Variants in WDR76 observed in about 807,000 individuals in gnomAD.
WDR76 encodes WD repeat domain 76, also known as WD repeat-containing protein 76.
WDR76 carries 52 observed loss-of-function variants against 70.2 expected under a neutral mutation model. The observed-to-expected ratio is 0.74, with a 90% CI of 0.59 to 0.93. The LOEUF is 0.93. Ranked by LOEUF, WDR76 falls within the 40% of genes least tolerant of loss-of-function variation. The probability of loss-of-function intolerance (pLI) is 0.00; values close to 1 mark genes in which losing one functional copy is unlikely to be tolerated. For synonymous variants in WDR76, 292 were observed against 271.1 expected, an observed-to-expected ratio of 1.08 and a Z score of -0.76; for missense variants, 756 against 760.2, an observed-to-expected ratio of 0.99 and a Z score of 0.07.
chr15:43,858,480 A>C (rs1260431156), intron 10 of WDR76, 191 bp from the exon 11 acceptor site: 1 of 587,654 alleles, frequency 1.7e-6, no homozygotes, highest in Non-Finnish European at 2.8e-6. Flanking sequence ...TCCTGATCTC[A>C]GATGATCCAC....
intron 1 of WDR76, among the ~76,000 whole-genome samples, 154 bp from the exon 2 acceptor site, chr15:43,827,811 C>T (rs1024465310): frequency 3.9e-5 from 6 of 152,176 alleles, no homozygotes; most frequent in African/African-American, 1.4e-4. Context: ...TCCCAAAGTG[C>T]TGGGATTACA....
At chr15:43,850,666 C>G (rs966575403) in intron 8 of WDR76, among the ~76,000 whole-genome samples, 2 of 152,086 alleles carry the variant, frequency 1.3e-5, no homozygotes, top group African/African-American at 2.4e-5. Context: ...AAATACCTTA[C>G]GAAAATTACA....
In WDR76 at chr15:43,859,764, T is replaced by C. The variant is rs79803147; in HGVS notation, c.1562+941T>C. 6.8e-3 allele frequency among the ~76,000 whole-genome samples: 1,030 copies of C among 152,318 alleles called. 13 individuals are homozygous for C. Among genetic ancestry groups the C allele is most frequent in the African/African-American group, 0.024 (979 of 41,570 alleles). ...TGTTCCTGTTCGTTTACACTGCAGTTTACTCTTGTTACATTAACTATTAGT... is the reference window on the plus strand; with the variant it reads ...TGTTCCTGTTCGTTTACACTGCAGTCTACTCTTGTTACATTAACTATTAGT... On this transcript the variant is annotated intron_variant, in intron 11 of 12. Coordinates refer to ENST00000263795, the MANE Select transcript of WDR76 (RefSeq NM_024908.4).
In WDR76 at chr15:43,841,210, T is replaced by G. The variant is rs1041254249; in HGVS notation, c.733-1205T>G. On this transcript the variant is annotated intron_variant, in intron 5 of 12. Coordinates refer to ENST00000263795, the MANE Select transcript of WDR76 (RefSeq NM_024908.4). Reference sequence around the variant, plus strand: ...TAAGTTTTGTTTTTTTGTTTTTTTTTTTTTTTTTTTGAGACGGAGTCTCAA... The same window carrying G: ...TAAGTTTTGTTTTTTTGTTTTTTTTGTTTTTTTTTTGAGACGGAGTCTCAA... Among the ~76,000 whole-genome samples the G allele has an allele frequency of 4.5e-3, 668 of 147,838 alleles. 18 individuals carry two copies. In the East Asian group the frequency reaches 0.074, roughly 16 times the overall value.
Position 43,861,377 on chromosome 15 carries a change from C to G in WDR76, c.1607C>G (p.Thr536Ser). 6.2e-7 allele frequency: 1 copy of G among 1,613,844 alleles called. No homozygotes were observed. Residue 536 changes from threonine to serine, a missense_variant, in exon 12 of 13, where the codon ACC (threonine) becomes AGC (serine). By Grantham distance (58) the Thr-to-Ser change is moderately conservative. Transcript: ENST00000263795. The part of the protein sequence containing the change: ...SCISSKIPLL[T>S]TIRHNTFTGR... ...ATATCTTCTAAGATTCCGCTCCTCA[C>G]CACCATCAGGTAGGCTTCTATATGC...
chr15:43,836,897 C>A (rs1366323851), intron 4 of WDR76, among the ~76,000 whole-genome samples: 3 of 151,252 alleles, frequency 2.0e-5, no homozygotes. Flanking sequence ...AAAAATTAGC[C>A]GGGTGTGGTG....
At chr15:43,842,072 T>G (rs2087732059) in intron 5 of WDR76, among the ~76,000 whole-genome samples, 1 of 152,142 alleles carries the variant, frequency 6.6e-6, no homozygotes, top group Non-Finnish European at 1.5e-5. Context: ...TTCACCATAT[T>G]GGCCAGGCTG....
chr15:43,858,578 C>G (rs1292838740), intron 10 of WDR76, 93 bp from the exon 11 acceptor site: 1 of 1,472,192 alleles, frequency 6.8e-7, no homozygotes, highest in Non-Finnish European at 9.2e-7. Flanking sequence ...TTCAGTATAG[C>G]AAGTATGTGA....
At chr15:43,847,942 A>T (rs2087809031) in intron 8 of WDR76, among the ~76,000 whole-genome samples, 1 of 152,096 alleles carries the variant, frequency 6.6e-6, no homozygotes, top group Non-Finnish European at 1.5e-5. Context: ...AAGATCCCTC[A>T]TGCTGGCTGG....
intron 5 of WDR76, among the ~76,000 whole-genome samples, chr15:43,841,277 A>G (rs2087722487): frequency 7.1e-6 from 1 of 140,846 alleles, no homozygotes; most frequent in African/African-American, 2.7e-5. Context: ...ATTTTGGCTC[A>G]CTGTAAGCTC....
chr15:43,859,951 A>G (rs1417848614), intron 11 of WDR76, among the ~76,000 whole-genome samples: 1 of 152,210 alleles, frequency 6.6e-6, no homozygotes, highest in East Asian at 1.9e-4. Context: ...CAACTGCTGT[A>G]TAAAAATTCC....
chr15:43,857,497 T>A, intron 10 of WDR76: 1 of 984,980 alleles, frequency 1.0e-6, no homozygotes, highest in South Asian at 4.7e-5. Flanking sequence ...CTGTGTTAAC[T>A]TTTTTCTAGG....
In WDR76 at chr15:43,835,648, TA is replaced by T. The variant is rs376092954; in HGVS notation, c.552+499del. Among the ~76,000 whole-genome samples, 425 of 151,804 alleles carry T rather than the reference TA, an allele frequency of 2.8e-3. 2 individuals are homozygous for T. Among genetic ancestry groups the T allele is most frequent in the Non-Finnish European group, 4.8e-3 (327 of 67,914 alleles). ...CTGTACTCTGTTGATTCTAAGGCAT[TA>T]TTTTTTTTGTCTTTTTTTTTTTTTT... On this transcript the variant is annotated intron_variant, in intron 3 of 12. Transcript: ENST00000263795.
intron 11 of WDR76, 28 bp from the exon 12 acceptor site, chr15:43,861,305 A>G (rs755621714): frequency 6.3e-7 from 1 of 1,598,650 alleles, no homozygotes; most frequent in South Asian, 1.1e-5. Flanking sequence ...AAGTAACAAA[A>G]GAATGTCTTA....
chr15:43,852,253 G>A (rs895178409), intron 9 of WDR76, among the ~76,000 whole-genome samples: 40 of 151,852 alleles, frequency 2.6e-4, no homozygotes, highest in African/African-American at 9.2e-4. Flanking sequence ...GCGAGATCTC[G>A]GCTCACTGCA....
In WDR76 at chr15:43,866,265, A is replaced by T; in HGVS notation, c.1754A>T (p.His585Leu). The T allele has an allele frequency of 6.2e-7, 1 of 1,614,156 alleles. No individual in the cohort carries two copies. Among genetic ancestry groups the T allele is most frequent in the East Asian group, 2.2e-5 (1 of 44,878 alleles). The change falls in exon 13 of 13, where the codon CAT becomes CTT. Residue 585 changes from histidine (H) to leucine (L), a missense_variant. Physicochemically the swap from His to Leu is moderately conservative, Grantham distance 99 (BLOSUM62 -3). Coordinates refer to ENST00000263795, the MANE Select transcript of WDR76 (RefSeq NM_024908.4). The stretch of plus-strand genomic sequence containing the variant: ...TTCCATGAGACAGGAAAGAGGGTGC[A>T]TTCGTTTGGTGGAGAATACCTTGTC... The part of the protein sequence containing the change: ...EIFHETGKRV[H>L]SFGGEYLVSV...
intron 11 of WDR76, among the ~76,000 whole-genome samples, chr15:43,860,651 T>C (rs1289736363): frequency 6.6e-6 from 1 of 152,006 alleles, no homozygotes. Flanking sequence ...TAGAGGCATG[T>C]GCCACCATAC....
chr15:43,827,820 C>T lies in WDR76; in HGVS notation c.61-145C>T, dbSNP rs529617990. 5 of 859,550 alleles carry T rather than the reference C, an allele frequency of 5.8e-6. No individual in the cohort carries two copies. The East Asian group carries it at 1.1e-4, about 19-fold the overall frequency. 53.2% of individuals were successfully genotyped at this position (859,550 alleles called of 1,614,324 possible). ...TGGGCCTCCCAAAGTGCTGGGATTACAGGCGTGAGCCACTGCACCTGGCCT... is the reference window on the plus strand; with the variant it reads ...TGGGCCTCCCAAAGTGCTGGGATTATAGGCGTGAGCCACTGCACCTGGCCT... On this transcript the variant is annotated intron_variant, in intron 1 of 12. Transcript: ENST00000263795.
intron 8 of WDR76, among the ~76,000 whole-genome samples, chr15:43,846,546 A>C (rs1219780847): frequency 6.7e-6 from 1 of 149,622 alleles, no homozygotes; most frequent in Non-Finnish European, 1.5e-5. Context: ...AGCCTCCCAA[A>C]GTGCTGGGAT....
Sources: gnomAD v4.1 joint callset for allele counts (sites outside exome capture counted in the v4.1 genomes callset) on GRCh38, gnomAD v4.1.1 for gene constraint, MANE v1.5 for transcripts, NCBI Gene and HGNC (gene_info 2026-07-23, HGNC 2026-07-21) for gene names.